The following SLC17A5 variants were observed in gnomAD, a reference collection of about 807,000 sequenced individuals.
The protein encoded by SLC17A5 is solute carrier family 17 member 5.
SLC17A5 carries 47 observed loss-of-function variants against 59.4 expected under a neutral mutation model. That is an observed-to-expected ratio of 0.79 (90% CI 0.63 to 1.01). The LOEUF (loss-of-function observed/expected upper bound fraction) is 1.01. Ranked by LOEUF, SLC17A5 falls within the 50% of genes least tolerant of loss-of-function variation. SLC17A5 has a pLI of 0.00. For missense variants in SLC17A5, 522 were observed against 595.5 expected (o/e 0.88, Z 1.28); for synonymous variants, 202 against 210.7 (o/e 0.96, Z 0.36).
chr6:73,610,433 C>T lies in SLC17A5; in HGVS notation c.1226G>A (p.Gly409Glu), dbSNP rs386833989. The T allele has an allele frequency of 6.2e-7, 1 of 1,614,060 alleles. No homozygotes were observed. Among genetic ancestry groups the T allele is most frequent in the South Asian group, 1.1e-5 (1 of 91,086 alleles). ...STTLGGFCSS[G>E]FSINHLDIAP... is the part of the protein sequence containing the mutation. ...AATATCCAGATGGTTGATGCTAAAT[C>T]CAGAAGAGCAAAAGCCTCCCAGTGT... The change falls in exon 9 of 11, where the codon GGA (glycine) becomes GAA (glutamate). Residue 409 changes from glycine to glutamate, a missense_variant. Around this residue, in one of 3 missense-constraint regions of SLC17A5, gnomAD observed 153 missense variants for 168.5 expected, o/e 0.91. Coordinates refer to ENST00000355773, the MANE Select transcript of SLC17A5 (RefSeq NM_012434.5).
chr6:73,639,086 G>T (rs1769156972), intron 3 of SLC17A5, among the ~76,000 whole-genome samples: 1 of 152,164 alleles, frequency 6.6e-6, no homozygotes, highest in South Asian at 2.1e-4. Context: ...AAAAAAGGAT[G>T]AATTCAATTA....
chr6:73,636,181 AT>A (rs1322128253), intron 5 of SLC17A5, among the ~76,000 whole-genome samples: 1 of 151,834 alleles, frequency 6.6e-6, no homozygotes, highest in Non-Finnish European at 1.5e-5. Context: ...TTGCAGATAT[AT>A]TTCTTGCATG....
At chr6:73,598,329 G>A (rs1004433988) in intron 10 of SLC17A5, among the ~76,000 whole-genome samples, 1 of 152,174 alleles carries the variant, frequency 6.6e-6, no homozygotes, top group Non-Finnish European at 1.5e-5. Flanking sequence ...TTGAGGCAGT[G>A]CTCAAAGTAA....
intron 7 of SLC17A5, among the ~76,000 whole-genome samples, chr6:73,619,070 A>G (rs1248754567): frequency 6.6e-6 from 1 of 151,932 alleles, no homozygotes; most frequent in Non-Finnish European, 1.5e-5. Context: ...TGTCTCAGGG[A>G]ATAGGGAAGC....
chr6:73,646,949 T>C (rs1769605001), intron 1 of SLC17A5, among the ~76,000 whole-genome samples: 1 of 152,198 alleles, frequency 6.6e-6, no homozygotes, highest in African/African-American at 2.4e-5. Context: ...GCACTGGAAT[T>C]ATAGACGTGA....
intron 1 of SLC17A5, 80 bp from the exon 2 acceptor site, chr6:73,644,683 G>A: frequency 7.2e-7 from 1 of 1,384,612 alleles, no homozygotes; most frequent in South Asian, 1.3e-5. Context: ...TGTTGCTTAG[G>A]CTGGTCTTGA....
intron 1 of SLC17A5, among the ~76,000 whole-genome samples, chr6:73,651,304 TAC>T (rs1769848693): frequency 1.3e-5 from 2 of 150,990 alleles, no homozygotes; most frequent in African/African-American, 2.4e-5. Context: ...CTACTAAAAA[TAC>T]AAAAATTAGC....
intron 10 of SLC17A5, among the ~76,000 whole-genome samples, chr6:73,598,566 G>T (rs1039265547): frequency 6.6e-6 from 1 of 152,174 alleles, no homozygotes; most frequent in Non-Finnish European, 1.5e-5. Flanking sequence ...GGGAGGCGGA[G>T]GTTGCAGTGA....
intron 1 of SLC17A5, among the ~76,000 whole-genome samples, chr6:73,645,938 A>T (rs1769539964): frequency 6.6e-6 from 1 of 152,098 alleles, no homozygotes; most frequent in African/African-American, 2.4e-5. Context: ...GAGTTGCAGA[A>T]TTGGAGAGGG....
chr6:73,601,148 G>GC (rs1767055256), intron 9 of SLC17A5, among the ~76,000 whole-genome samples: 1 of 149,724 alleles, frequency 6.7e-6, no homozygotes, highest in Admixed American at 6.6e-5. Context: ...GAGCGTCTCT[G>GC]CCCGGCCGCC....
intron 10 of SLC17A5, among the ~76,000 whole-genome samples, chr6:73,596,857 A>AAAAACGAAAC (rs142570767): frequency 3.2e-4 from 48 of 149,162 alleles, no homozygotes; most frequent in African/African-American, 1.2e-3. Context: ...ACTCCCTCTC[A>AAAAACGAAAC]AAAACAAAAC....
At chr6:73,641,598 T>G in intron 3 of SLC17A5, 93 bp downstream of exon 3, 1 of 912,584 alleles carries the variant, frequency 1.1e-6, no homozygotes, top group African/African-American at 1.7e-5. Flanking sequence ...AACGTTATTT[T>G]TTGGTTCATA....
intron 2 of SLC17A5, among the ~76,000 whole-genome samples, chr6:73,642,476 T>TA (rs2150119033): frequency 6.6e-6 from 1 of 152,354 alleles, no homozygotes; most frequent in East Asian, 1.9e-4. Context: ...GATGTACAGT[T>TA]AGTGTTCACT....
chr6:73,597,398 C>T (rs1184442944), intron 10 of SLC17A5, among the ~76,000 whole-genome samples: 4 of 151,950 alleles, frequency 2.6e-5, no homozygotes, highest in Admixed American at 6.6e-5. Context: ...ACCCGGGAGG[C>T]GGAGTTTGCA....
chr6:73,611,061 A>C (rs567618210), intron 8 of SLC17A5, among the ~76,000 whole-genome samples: 1 of 152,166 alleles, frequency 6.6e-6, no homozygotes, highest in East Asian at 1.9e-4. Flanking sequence ...TGGGCAACAC[A>C]GCAAGACCCT....
chr6:73,626,384 T>C (rs985419952), intron 6 of SLC17A5, among the ~76,000 whole-genome samples: 5 of 152,232 alleles, frequency 3.3e-5, no homozygotes, highest in Non-Finnish European at 7.3e-5. Flanking sequence ...TTAGTGTTCA[T>C]TTGTAATCTA....
Position 73,610,340 on chromosome 6 carries a change from C to G in SLC17A5, c.1259+60G>C, listed in dbSNP as rs920063450. 3 of 1,595,792 alleles carry G rather than the reference C, an allele frequency of 1.9e-6. No homozygotes were observed. The African/African-American group carries it at 4.0e-5, about 21-fold the overall frequency. ...TGAGTCACCGCCTCTGGCCTTTTAT[C>G]AGGATTTTTAAAAATATAATTTAAA... On this transcript the variant is annotated intron_variant, in intron 9 of 10. Transcript: ENST00000355773.
intron 2 of SLC17A5, among the ~76,000 whole-genome samples, 155 bp from the exon 3 acceptor site, chr6:73,642,079 C>T (rs1010177671): frequency 6.6e-6 from 1 of 152,146 alleles, no homozygotes; most frequent in Non-Finnish European, 1.5e-5. Flanking sequence ...TGAGTCATAA[C>T]AATATAGATA....
At chr6:73,605,134 T>C (rs1767335369) in intron 9 of SLC17A5, among the ~76,000 whole-genome samples, 1 of 152,188 alleles carries the variant, frequency 6.6e-6, no homozygotes, top group Non-Finnish European at 1.5e-5. Flanking sequence ...CGAGAGCCAC[T>C]GCACCCAGCT....
Sources: gnomAD v4.1 joint callset for allele counts (sites outside exome capture counted in the v4.1 genomes callset) on GRCh38, gnomAD v4.1.1 for gene constraint, gnomAD v4.1.1 regional missense constraint, MANE v1.5 for transcripts, NCBI Gene and HGNC (gene_info 2026-07-23, HGNC 2026-07-21) for gene names.